Variants in NDUFAF2 observed in about 807,000 individuals in gnomAD.
The protein encoded by NDUFAF2 is NADH dehydrogenase [ubiquinone] 1 alpha subcomplex assembly factor 2.
A neutral mutation model predicts 22.8 loss-of-function variants in NDUFAF2; 13 were observed. The ratio of observed to expected loss-of-function variants is 0.57; its 90% confidence interval spans 0.37 to 0.91. The LOEUF is 0.91. NDUFAF2 is among the 40% of genes least tolerant of loss of function. The pLI, the probability that NDUFAF2 is intolerant of heterozygous loss-of-function variation, is 0.01. For synonymous variants in NDUFAF2, 53 were observed against 64.2 expected (o/e 0.83, Z 0.84); for missense variants, 162 against 195.2 (o/e 0.83, Z 1.01).
At chr5:61,046,822 C>T (rs1009210654) in intron 1 of NDUFAF2, among the ~76,000 whole-genome samples, 1 of 152,172 alleles carries the variant, frequency 6.6e-6, no homozygotes, top group Admixed American at 6.6e-5. Flanking sequence ...ATATTCTCTA[C>T]TGTTTTGCAC....
At chr5:61,024,663 A>G (rs1751627852) in intron 1 of NDUFAF2, among the ~76,000 whole-genome samples, 1 of 152,122 alleles carries the variant, frequency 6.6e-6, no homozygotes, top group African/African-American at 2.4e-5. Flanking sequence ...GTCTGGCTCC[A>G]GAGGCTTGTA....
chr5:61,026,983 C>T (rs1450747844), intron 1 of NDUFAF2, among the ~76,000 whole-genome samples: 1 of 150,418 alleles, frequency 6.6e-6, no homozygotes, highest in African/African-American at 2.4e-5. Flanking sequence ...AACAGGATGC[C>T]CTCAGATAGC....
intron 1 of NDUFAF2, among the ~76,000 whole-genome samples, chr5:60,953,841 A>G (rs1259383277): frequency 1.3e-5 from 2 of 152,218 alleles, no homozygotes; most frequent in Non-Finnish European, 2.9e-5. Context: ...ATTACATTGA[A>G]TAACAGTGTT....
intron 1 of NDUFAF2, among the ~76,000 whole-genome samples, chr5:61,027,071 A>G (rs2112607304): frequency 6.6e-6 from 1 of 151,822 alleles, no homozygotes; most frequent in African/African-American, 2.4e-5. Flanking sequence ...TTAATTTAAT[A>G]TTAGTTTATA....
intron 3 of NDUFAF2, among the ~76,000 whole-genome samples, chr5:61,118,699 TAA>T (rs1752942275): frequency 6.6e-6 from 1 of 152,210 alleles, no homozygotes; most frequent in Non-Finnish European, 1.5e-5. Context: ...TGTCATTACT[TAA>T]GTGTCAACTG....
chr5:61,039,818 A>C (rs555944181), intron 1 of NDUFAF2, among the ~76,000 whole-genome samples: 6 of 152,310 alleles, frequency 3.9e-5, no homozygotes, highest in Admixed American at 6.5e-5. Flanking sequence ...GGTATGCTGG[A>C]CAAACAGGAA....
At chr5:61,145,746 A>G (rs1741128711) in intron 3 of NDUFAF2, 1 of 152,246 alleles carries the variant, frequency 6.6e-6, no homozygotes, top group South Asian at 2.1e-4. Context: ...TTCATAACAT[A>G]TACATTTAAG....
chr5:61,059,954 T>C (rs1752143832), intron 1 of NDUFAF2, among the ~76,000 whole-genome samples: 1 of 152,270 alleles, frequency 6.6e-6, no homozygotes, highest in African/African-American at 2.4e-5. Context: ...TGGGTATCTG[T>C]AATAATACTA....
chr5:61,020,411 A>G (rs1427256845), intron 1 of NDUFAF2, among the ~76,000 whole-genome samples: 1 of 152,158 alleles, frequency 6.6e-6, no homozygotes, highest in Admixed American at 6.5e-5. Context: ...ATATTTTACT[A>G]TAAATAATAA....
At chr5:61,043,793 G>T (rs1188184220) in intron 1 of NDUFAF2, among the ~76,000 whole-genome samples, 1 of 151,332 alleles carries the variant, frequency 6.6e-6, no homozygotes, top group African/African-American at 2.4e-5. Flanking sequence ...CCATATCTTG[G>T]CTATTGTGCT....
At chr5:61,122,326 T>A (rs962480870) in intron 3 of NDUFAF2, among the ~76,000 whole-genome samples, 3 of 152,190 alleles carry the variant, frequency 2.0e-5, no homozygotes, top group African/African-American at 7.2e-5. Flanking sequence ...AACTTACTAA[T>A]CTTGAGAGTC....
At chr5:61,137,328 T>C (rs1265590027) in intron 3 of NDUFAF2, among the ~76,000 whole-genome samples, 1 of 152,212 alleles carries the variant, frequency 6.6e-6, no homozygotes, top group Non-Finnish European at 1.5e-5. Context: ...TTACATAATA[T>C]GCTAAACTTG....
chr5:61,145,078 G>GT (rs1190513908), intron 3 of NDUFAF2, among the ~76,000 whole-genome samples: 1 of 152,138 alleles, frequency 6.6e-6, no homozygotes, highest in African/African-American at 2.4e-5. Context: ...CAGCATGTTA[G>GT]TAGATTCCAT....
chr5:61,008,300 A>AAT (rs765658432), intron 1 of NDUFAF2, among the ~76,000 whole-genome samples: 3 of 152,166 alleles, frequency 2.0e-5, no homozygotes, highest in Admixed American at 6.5e-5. Flanking sequence ...CTTAAAGTAT[A>AAT]ATAAAAAAAA....
chr5:61,130,376 C>A (rs771967857), intron 3 of NDUFAF2, among the ~76,000 whole-genome samples: 10 of 152,108 alleles, frequency 6.6e-5, no homozygotes, highest in Non-Finnish European at 1.0e-4. Flanking sequence ...GAAAAGGGAA[C>A]AGTAGATTTT....
intron 3 of NDUFAF2, chr5:61,115,955 A>G (rs1265574584): frequency 6.6e-6 from 1 of 152,190 alleles, no homozygotes; most frequent in Admixed American, 6.6e-5. Context: ...AAAATAGTCC[A>G]GACTATGTAG....
intron 3 of NDUFAF2, among the ~76,000 whole-genome samples, chr5:61,148,125 T>A (rs1741168296): frequency 6.6e-6 from 1 of 152,302 alleles, no homozygotes; most frequent in African/African-American, 2.4e-5. Context: ...CCCAGCATAT[T>A]CCAGCTTTCT....
intron 1 of NDUFAF2, among the ~76,000 whole-genome samples, chr5:60,975,671 G>T (rs1750893426): frequency 6.6e-6 from 1 of 152,170 alleles, no homozygotes; most frequent in African/African-American, 2.4e-5. Flanking sequence ...ATATGAGAAG[G>T]AATCAGCAAG....
intron 1 of NDUFAF2, among the ~76,000 whole-genome samples, chr5:61,017,887 T>C (rs1751532549): frequency 6.6e-6 from 1 of 152,092 alleles, no homozygotes; most frequent in African/African-American, 2.4e-5. Context: ...GTAACTGGGA[T>C]GACAGGCATG....
Sources: gnomAD v4.1 joint callset for allele counts (sites outside exome capture counted in the v4.1 genomes callset) on GRCh38, gnomAD v4.1.1 for gene constraint, MANE v1.5 for transcripts, NCBI Gene and HGNC (gene_info 2026-07-23, HGNC 2026-07-21) for gene names.